The following ZMYND12 variants were observed in gnomAD, a reference collection of about 807,000 sequenced individuals.
ZMYND12 encodes the protein zinc finger MYND-type containing 12.
A neutral mutation model predicts 41.7 loss-of-function variants in ZMYND12; 32 were observed. The observed-to-expected ratio is 0.77, with a 90% CI of 0.58 to 1.03. The LOEUF is 1.03. ZMYND12 is among the 50% of genes least tolerant of loss of function. ZMYND12 has a pLI of 0.00. For missense variants in ZMYND12, 424 were observed against 438.5 expected (o/e 0.97, Z 0.30); for synonymous variants, 148 against 164.8 (o/e 0.90, Z 0.78).
At chr1:42,454,909 T>TAC (rs1202468175) in intron 1 of ZMYND12, among the ~76,000 whole-genome samples, 10 of 152,048 alleles carry the variant, frequency 6.6e-5, no homozygotes, top group African/African-American at 2.4e-4. Context: ...ATTTTTCCTG[T>TAC]ACACACACAC....
chr1:42,437,440 C>CTGTGTGTG (rs113850227), intron 4 of ZMYND12, among the ~76,000 whole-genome samples: 3,011 of 144,462 alleles, frequency 0.021, 63 homozygotes, highest in African/African-American at 0.051. Flanking sequence ...CAATAAAGCT[C>CTGTGTGTG]TGTGTGTGTG....
intron 7 of ZMYND12, among the ~76,000 whole-genome samples, chr1:42,432,695 T>C (rs1197046384): frequency 3.3e-5 from 5 of 152,168 alleles, no homozygotes; most frequent in Admixed American, 6.5e-5. Context: ...GTGTAAGCAT[T>C]AAGTATGATA....
chr1:42,433,377 CT>C (rs988510002), intron 6 of ZMYND12, 89 bp from the exon 7 acceptor site: 1 of 1,429,562 alleles, frequency 7.0e-7, no homozygotes, highest in African/African-American at 1.5e-5. Context: ...AGCGCCTGGT[CT>C]GCTGAAGCCT....
intron 3 of ZMYND12, among the ~76,000 whole-genome samples, chr1:42,440,582 T>C (rs1447031172): frequency 6.6e-6 from 1 of 150,688 alleles, no homozygotes; most frequent in African/African-American, 2.5e-5. Flanking sequence ...CTTTTAGGGG[T>C]GATGAAAATG....
rs1313172458 is a variant in ZMYND12 at position 42,430,726 on chromosome 1, T to C, written c.*10A>G. 2 of 1,614,016 alleles carry C rather than the reference T, an allele frequency of 1.2e-6. No individual in the cohort carries two copies. Among genetic ancestry groups the C allele is most frequent in the Admixed American group, 3.3e-5 (2 of 60,030 alleles). ...CCTGGAATAACCCTTGATGCAGAGC[T>C]CATGGGTCACTAAGTAATGGGATGG... is the stretch of plus-strand genomic sequence containing the variant. On this transcript the variant is annotated 3_prime_UTR_variant, in exon 8 of 8. Coordinates refer to ENST00000372565, the MANE Select transcript of ZMYND12 (RefSeq NM_032257.5).
At chr1:42,448,388 G>A (rs1239712643) in intron 3 of ZMYND12, 79 bp downstream of exon 3, 3 of 1,405,430 alleles carry the variant, frequency 2.1e-6, no homozygotes, top group South Asian at 1.6e-5. Context: ...CACTGTCAAG[G>A]GTGACTCTTT....
chr1:42,432,064 T>TC (rs1310764424), intron 7 of ZMYND12, among the ~76,000 whole-genome samples: 2 of 148,720 alleles, frequency 1.3e-5, no homozygotes, highest in African/African-American at 4.9e-5. Context: ...CTTTTTCTTT[T>TC]TTTTTTTTTT....
chr1:42,448,680 T>G (rs1643049618), intron 2 of ZMYND12, 42 bp from the exon 3 acceptor site: 1 of 1,550,074 alleles, frequency 6.5e-7, no homozygotes, highest in African/African-American at 1.4e-5. Flanking sequence ...AGTCTAAAGT[T>G]AAAGGCAAAG....
intron 3 of ZMYND12, among the ~76,000 whole-genome samples, chr1:42,441,038 A>G (rs869608): frequency 0.13 from 20,084 of 152,244 alleles, 1,497 homozygotes; most frequent in East Asian, 0.18. Flanking sequence ...ATATATATGC[A>G]TATTTAATAC....
intron 3 of ZMYND12, 25 bp downstream of exon 3, chr1:42,448,442 A>C: frequency 6.4e-7 from 1 of 1,556,564 alleles, no homozygotes; most frequent in Non-Finnish European, 8.7e-7. Context: ...AAGGGATCCA[A>C]GGATCTCAAG....
At chr1:42,445,449 A>G (rs180730473) in intron 3 of ZMYND12, among the ~76,000 whole-genome samples, 95 of 150,172 alleles carry the variant, frequency 6.3e-4, no homozygotes, top group South Asian at 2.7e-3. Flanking sequence ...AAAAAAAAAA[A>G]GGGGAGACCC....
intron 5 of ZMYND12, 81 bp from the exon 6 acceptor site, chr1:42,435,466 T>C: frequency 9.2e-7 from 1 of 1,082,450 alleles, no homozygotes; most frequent in South Asian, 1.3e-5. Flanking sequence ...AGTAGCGCAT[T>C]TGGCCGGGCT....
intron 4 of ZMYND12, among the ~76,000 whole-genome samples, chr1:42,439,357 C>T (rs1642942038): frequency 6.6e-6 from 1 of 151,994 alleles, no homozygotes; most frequent in African/African-American, 2.4e-5. Flanking sequence ...CCTCCACCTC[C>T]CGGGTTCAGG....
chr1:42,430,680 T>C lies in ZMYND12; in HGVS notation c.*56A>G. On this transcript the variant is annotated 3_prime_UTR_variant, in exon 8 of 8. Coordinates refer to ENST00000372565, the MANE Select transcript of ZMYND12 (RefSeq NM_032257.5). ...TCAAAGCAGTTGTGCAAGGCTGGAA[T>C]ATATTAGATCTTCAGTAGCCCCTGG... 1.3e-6 allele frequency: 2 copies of C among 1,597,584 alleles called. No individual in the cohort carries two copies. The highest frequency in any genetic ancestry group is 1.7e-6 in the Non-Finnish European group (2 of 1,166,792).
intron 1 of ZMYND12, 32 bp from the exon 2 acceptor site, chr1:42,450,091 T>C: frequency 6.2e-7 from 1 of 1,608,798 alleles, no homozygotes; most frequent in Non-Finnish European, 8.5e-7. Flanking sequence ...TTATGATCTT[T>C]ATATTTGGCA....
intron 1 of ZMYND12, among the ~76,000 whole-genome samples, chr1:42,453,813 T>C (rs1049719036): frequency 6.6e-6 from 1 of 152,242 alleles, no homozygotes; most frequent in Non-Finnish European, 1.5e-5. Context: ...CCGTCATCTT[T>C]TCCCCGTGTT....
At chr1:42,431,579 G>T (rs550278757) in intron 7 of ZMYND12, among the ~76,000 whole-genome samples, 29 of 152,336 alleles carry the variant, frequency 1.9e-4, no homozygotes, top group African/African-American at 6.7e-4. Context: ...CCTGAAGGAA[G>T]TGAGGTGCCA....
At chr1:42,455,807 A>G in intron 1 of ZMYND12, 81 bp downstream of exon 1, 1 of 1,129,404 alleles carries the variant, frequency 8.9e-7, no homozygotes, top group African/African-American at 1.5e-5. Context: ...GCAACGGCTA[A>G]CGCAAGGTAC....
chr1:42,441,647 G>A (rs1475476041), intron 3 of ZMYND12, among the ~76,000 whole-genome samples: 1 of 151,422 alleles, frequency 6.6e-6, no homozygotes, highest in East Asian at 1.9e-4. Context: ...TTGAGACGGA[G>A]TCTTGCTCTG....
Sources: gnomAD v4.1 joint callset for allele counts (sites outside exome capture counted in the v4.1 genomes callset) on GRCh38, gnomAD v4.1.1 for gene constraint, MANE v1.5 for transcripts, NCBI Gene and HGNC (gene_info 2026-07-23, HGNC 2026-07-21) for gene names.